DNAH9: variants seen among roughly 807,000 people sequenced by gnomAD.
The protein encoded by DNAH9 is DNAH9 variant protein.
In DNAH9, 345 loss-of-function variants were observed where a neutral mutation model predicts 471.6. The observed-to-expected ratio is 0.73, with a 90% CI of 0.67 to 0.80. The LOEUF is 0.80. DNAH9 is among the 30% of genes least tolerant of loss of function. DNAH9 has a pLI of 0.00. For missense variants in DNAH9, 5,407 were observed against 5,609.2 expected, an observed-to-expected ratio of 0.96 and a Z score of 1.15; for synonymous variants, 2,093 against 2,123.6, an observed-to-expected ratio of 0.99 and a Z score of 0.40.
At chr17:11,920,344 G>C (rs927747845) in intron 61 of DNAH9, among the ~76,000 whole-genome samples, 1 of 151,714 alleles carries the variant, frequency 6.6e-6, no homozygotes, top group African/African-American at 2.4e-5. Context: ...GATGAGGTTG[G>C]GCACAGTGGC....
At chr17:11,936,128 A>C (rs574168717) in intron 65 of DNAH9, among the ~76,000 whole-genome samples, 2 of 152,204 alleles carry the variant, frequency 1.3e-5, no homozygotes, top group Non-Finnish European at 2.9e-5. Context: ...GTGTTAGTTA[A>C]TAGATGGTTC....
intron 57 of DNAH9, among the ~76,000 whole-genome samples, chr17:11,889,721 A>G (rs1472860568): frequency 1.3e-5 from 2 of 152,270 alleles, no homozygotes; most frequent in Middle Eastern, 3.2e-3. Flanking sequence ...AATGTAAGAA[A>G]GTGAGTAAGG....
Position 11,884,104 on chromosome 17 carries a change from C to T in DNAH9, c.10971+354C>T, listed in dbSNP as rs1051359679. ...TGGAATTGCCCTGAAGCTAAGGAAT[C>T]GCACTGCTGGAAAAGCCAACTGGTT... is the stretch of plus-strand genomic sequence containing the variant. On this transcript the variant is annotated intron_variant, in intron 56 of 68. Coordinates refer to ENST00000262442, the MANE Select transcript of DNAH9 (RefSeq NM_001372.4). Among the ~76,000 whole-genome samples the T allele has an allele frequency of 3.9e-5, 6 of 152,220 alleles. No homozygotes were observed. The South Asian group carries it at 6.2e-4, about 16-fold the overall frequency.
chr17:11,916,371 T>C (rs1286105736), intron 61 of DNAH9, among the ~76,000 whole-genome samples: 1 of 152,236 alleles, frequency 6.6e-6, no homozygotes, highest in Non-Finnish European at 1.5e-5. Flanking sequence ...ATATTGCTGT[T>C]CATCAACTAG....
chr17:11,881,982 T>C (rs999616252), intron 55 of DNAH9, among the ~76,000 whole-genome samples: 1 of 151,706 alleles, frequency 6.6e-6, no homozygotes, highest in African/African-American at 2.4e-5. Flanking sequence ...GGCATGAACA[T>C]GAGTGCTGCT....
intron 53 of DNAH9, among the ~76,000 whole-genome samples, chr17:11,877,634 T>C: frequency 6.6e-6 from 1 of 152,006 alleles, no homozygotes; most frequent in East Asian, 1.9e-4. Flanking sequence ...CGCACTAAGG[T>C]CCAGATCACT....
chr17:11,675,150 A>G (rs1450170344), intron 17 of DNAH9, among the ~76,000 whole-genome samples: 1 of 152,128 alleles, frequency 6.6e-6, no homozygotes, highest in African/African-American at 2.4e-5. Context: ...GAAATTTTGT[A>G]ATCATTGTCT....
chr17:11,794,987 T>C (rs1445696684), intron 42 of DNAH9, among the ~76,000 whole-genome samples: 1 of 151,894 alleles, frequency 6.6e-6, no homozygotes, highest in African/African-American at 2.4e-5. Context: ...GATGAGTTAA[T>C]AGGTGCAGCA....
chr17:11,757,678 C>G lies in DNAH9; in HGVS notation c.6981C>G (p.Asp2327Glu). 1 of 1,613,954 alleles carries G rather than the reference C, an allele frequency of 6.2e-7. No homozygotes were observed. Among genetic ancestry groups the G allele is most frequent in the Non-Finnish European group, 8.5e-7 (1 of 1,180,006 alleles). Reference sequence around the variant, plus strand: ...ACAAGTATCTTCCAACCTGCCTAGACACACTCAGAACCAGGTAGGCCAAGA... The same window carrying G: ...ACAAGTATCTTCCAACCTGCCTAGAGACACTCAGAACCAGGTAGGCCAAGA... ...LFDKYLPTCL[D>E]TLRTRFKKII... The change falls in exon 35 of 69, where the codon GAC becomes GAG. Residue 2327 changes from aspartate (D) to glutamate (E), a missense_variant. Asp to Glu is a conservative substitution (Grantham distance 45, BLOSUM62 2). Coordinates refer to ENST00000262442, the MANE Select transcript of DNAH9 (RefSeq NM_001372.4).
chr17:11,772,178 A>C (rs943312987), intron 38 of DNAH9, among the ~76,000 whole-genome samples: 2 of 151,962 alleles, frequency 1.3e-5, no homozygotes, highest in Non-Finnish European at 2.9e-5. Context: ...TTTTGTATTT[A>C]ATTGATTTTC....
In DNAH9 at chr17:11,869,264, G is replaced by A. The variant is rs1340362331; in HGVS notation, c.10053+11G>A. On this transcript the variant is annotated intron_variant, in intron 51 of 68. Transcript: ENST00000262442. ...CTTGCCAACCGCCTGGTGAGTGTAA[G>A]CCACAGCAGCCCGAGCTGTAATTAT... 9 of 1,612,072 alleles carry A rather than the reference G, an allele frequency of 5.6e-6. No individual in the cohort carries two copies. The highest frequency in any genetic ancestry group is 1.3e-5 in the African/African-American group (1 of 74,908).
chr17:11,680,043 G>C, intron 18 of DNAH9, 64 bp downstream of exon 18: 1 of 1,269,250 alleles, frequency 7.9e-7, no homozygotes, highest in Non-Finnish European at 1.1e-6. Context: ...TTCAGAATGG[G>C]GTAAAGTGGG....
rs574745793 is a variant in DNAH9, at chr17:11,871,468, G to A, written c.10054-130G>A. The A allele has an allele frequency of 7.8e-5, 61 of 777,670 alleles. No homozygotes were observed. In the South Asian group the frequency reaches 1.1e-3, roughly 13 times the overall value. The allele number at this position is 777,670 out of a possible 1,614,324, so 48.2% of individuals were successfully genotyped here. ...CAGCACAAATCCCCATTAACGGAAA[G>A]GGCCATATAAGTGATATTCTGCCTC... On this transcript the variant is annotated intron_variant, in intron 51 of 68. Transcript: ENST00000262442.
At chr17:11,719,725 A>C (rs553063647) in intron 27 of DNAH9, among the ~76,000 whole-genome samples, 1 of 152,284 alleles carries the variant, frequency 6.6e-6, no homozygotes, top group African/African-American at 2.4e-5. Context: ...TTGTATTCTC[A>C]TTCCACCAAT....
Position 11,874,010 on chromosome 17 carries a change from C to T in DNAH9, c.10243-939C>T, listed in dbSNP as rs925138311. Among the ~76,000 whole-genome samples, 9 of 151,938 alleles carry T rather than the reference C, an allele frequency of 5.9e-5. No homozygotes were observed. The South Asian group carries it at 6.2e-4, about 11-fold the overall frequency. On this transcript the variant is annotated intron_variant, in intron 52 of 68. Coordinates refer to ENST00000262442, the MANE Select transcript of DNAH9 (RefSeq NM_001372.4). ...CTGTAATCCCAGTATTTTGGGAGGC[C>T]GAAGCAGGTGGATCGCCTGAGGTCA... is the stretch of plus-strand genomic sequence containing the variant.
chr17:11,666,878 G>T (rs1231768929), intron 15 of DNAH9, among the ~76,000 whole-genome samples: 3 of 152,202 alleles, frequency 2.0e-5, no homozygotes, highest in African/African-American at 7.2e-5. Flanking sequence ...GAGCAGAGCA[G>T]GGGCTTCTAT....
chr17:11,759,932 C>G (rs138394535), intron 35 of DNAH9, among the ~76,000 whole-genome samples: 1 of 151,998 alleles, frequency 6.6e-6, no homozygotes, highest in South Asian at 2.1e-4. Flanking sequence ...GTGATGTGGC[C>G]GCCTCGGCCT....
Position 11,822,314 on chromosome 17 carries a change from A to G in DNAH9, c.8851-124A>G, listed in dbSNP as rs58355168. On this transcript the variant is annotated intron_variant, in intron 46 of 68. Transcript: ENST00000262442. ...TGGTGAGGCTGGCTAGCATTTACAG[A>G]TATTATCTCTGTTGGATGTGCTTCC... is the stretch of plus-strand genomic sequence containing the variant. 19,705 of 1,234,350 alleles carry G rather than the reference A, an allele frequency of 0.016. 1,039 individuals carry two copies. In the East Asian group the frequency reaches 0.19, roughly 12 times the overall value. The allele number at this position is 1,234,350 out of a possible 1,614,324, so 76.5% of individuals were successfully genotyped here.
chr17:11,708,358 G>A (rs1186739632), intron 26 of DNAH9, among the ~76,000 whole-genome samples: 1 of 152,204 alleles, frequency 6.6e-6, no homozygotes, highest in African/African-American at 2.4e-5. Flanking sequence ...GTCTGTCTGT[G>A]TCTTGGCTCC....
Sources: gnomAD v4.1 joint callset for allele counts (sites outside exome capture counted in the v4.1 genomes callset) on GRCh38, gnomAD v4.1.1 for gene constraint, MANE v1.5 for transcripts, NCBI Gene and HGNC (gene_info 2026-07-23, HGNC 2026-07-21) for gene names.